TMEM154: variants seen among roughly 807,000 people sequenced by gnomAD.
TMEM154 encodes the protein transmembrane protein 154.
Under a neutral mutation model 24.5 loss-of-function variants are expected in TMEM154, and 27 were observed. The ratio of observed to expected loss-of-function variants is 1.10; its 90% CI spans 0.81 to 1.52. TMEM154 has a LOEUF of 1.52. Ranked by LOEUF, TMEM154 falls within the 40% of genes most tolerant of loss-of-function variation. The pLI is 0.00. For missense variants in TMEM154, 228 were observed against 213.4 expected (o/e 1.07, Z -0.43); for synonymous variants, 67 against 76.8 (o/e 0.87, Z 0.67).
At chr4:152,647,585 A>G (rs1046588345) in intron 3 of TMEM154, among the ~76,000 whole-genome samples, 3 of 152,160 alleles carry the variant, frequency 2.0e-5, no homozygotes, top group African/African-American at 4.8e-5. Context: ...TAATGTACCA[A>G]TTTTTAGTAA....
intron 6 of TMEM154, 52 bp downstream of exon 6, chr4:152,640,876 T>G: frequency 1.3e-5 from 14 of 1,113,562 alleles, no homozygotes; most frequent in East Asian, 2.5e-5. Context: ...TGGTTCCCAA[T>G]CCCCCCGCCC....
chr4:152,648,884 A>G (rs1410496650), intron 3 of TMEM154, among the ~76,000 whole-genome samples: 1 of 152,232 alleles, frequency 6.6e-6, no homozygotes, highest in Non-Finnish European at 1.5e-5. Context: ...CTTTTCCTGA[A>G]TTTTAAAAAA....
At chr4:152,674,317 A>G (rs1420920802) in intron 1 of TMEM154, among the ~76,000 whole-genome samples, 2 of 53,814 alleles carry the variant, frequency 3.7e-5, no homozygotes. Context: ...ACCATGGTAT[A>G]AGAAAAAAAA....
chr4:152,646,936 C>A, intron 3 of TMEM154: 1 of 702,752 alleles, frequency 1.4e-6, no homozygotes, highest in South Asian at 1.5e-5. Context: ...GTTTTCCCTG[C>A]AGCTCTTTCA....
intron 1 of TMEM154, chr4:152,669,273 C>T (rs1255778508): frequency 6.6e-6 from 1 of 152,070 alleles, no homozygotes; most frequent in Non-Finnish European, 1.5e-5. Context: ...TAATACGTAG[C>T]TGTACATAAC....
chr4:152,641,364 G>A, intron 5 of TMEM154: 1 of 177,724 alleles, frequency 5.6e-6, no homozygotes, highest in Non-Finnish European at 1.2e-5. Context: ...CCATCAGATT[G>A]CACGGTAGGA....
intron 6 of TMEM154, among the ~76,000 whole-genome samples, chr4:152,637,603 T>C (rs1158881941): frequency 6.6e-6 from 1 of 152,136 alleles, no homozygotes; most frequent in Admixed American, 6.6e-5. Flanking sequence ...TTCTCTTATA[T>C]CATCCTGTGA....
At chr4:152,638,895 C>T (rs1399501966) in intron 6 of TMEM154, among the ~76,000 whole-genome samples, 1 of 152,126 alleles carries the variant, frequency 6.6e-6, no homozygotes, top group East Asian at 1.9e-4. Flanking sequence ...CCTTTTAAAA[C>T]AATCATTTAA....
intron 1 of TMEM154, among the ~76,000 whole-genome samples, chr4:152,667,208 G>A (rs769459939): frequency 6.6e-6 from 1 of 152,138 alleles, no homozygotes; most frequent in African/African-American, 2.4e-5. Flanking sequence ...TGCCAGTCAC[G>A]CTCTCACCTT....
intron 1 of TMEM154, among the ~76,000 whole-genome samples, chr4:152,661,291 TCTCTCTCTCTCTCTCTCTCTC>T (rs1728599272): frequency 8.8e-5 from 5 of 56,504 alleles, no homozygotes; most frequent in African/African-American, 1.7e-4. Context: ...TCTTTCTCTC[TCTCTCTCTCTCTCTCTCTCTC>T]TCTCTCTCTC....
intron 3 of TMEM154, among the ~76,000 whole-genome samples, chr4:152,649,803 TC>T (rs1561050437): frequency 6.6e-6 from 1 of 152,000 alleles, no homozygotes; most frequent in Non-Finnish European, 1.5e-5. Flanking sequence ...TAGAAAAGCA[TC>T]CCCCAGAAAT....
intron 1 of TMEM154, 24 bp downstream of exon 1, chr4:152,679,846 G>A: frequency 6.3e-7 from 1 of 1,599,662 alleles, no homozygotes; most frequent in Non-Finnish European, 8.5e-7. Flanking sequence ...TCCTTCCCAG[G>A]AGTAGGAAGT....
intron 3 of TMEM154, 132 bp from the exon 4 acceptor site, chr4:152,644,574 A>T (rs1457817715): frequency 1.2e-6 from 1 of 854,318 alleles, no homozygotes; most frequent in African/African-American, 1.7e-5. Flanking sequence ...AGGAGCGATC[A>T]TTAACTTAGA....
chr4:152,664,382 G>A (rs374382649), intron 1 of TMEM154, among the ~76,000 whole-genome samples: 5 of 151,912 alleles, frequency 3.3e-5, no homozygotes, highest in Non-Finnish European at 7.4e-5. Flanking sequence ...CGTGGCGGGG[G>A]GGTACAAGGG....
intron 1 of TMEM154, among the ~76,000 whole-genome samples, chr4:152,655,986 G>A (rs1455803641): frequency 6.6e-6 from 1 of 152,082 alleles, no homozygotes; most frequent in Non-Finnish European, 1.5e-5. Context: ...TTTGGGGCCT[G>A]GTGATTGCCC....
intron 1 of TMEM154, among the ~76,000 whole-genome samples, chr4:152,656,289 A>G (rs12644557): frequency 0.59 from 89,180 of 151,858 alleles, 26,373 homozygotes; most frequent in Admixed American, 0.63. Context: ...GGAAGCCCAA[A>G]AACCAGCCTG....
In TMEM154 at chr4:152,619,384, A is replaced by G. The variant is rs1333905363; in HGVS notation, c.*9162T>C. 2 of 152,182 alleles carry G rather than the reference A, an allele frequency of 1.3e-5. No homozygotes were observed. The highest frequency in any genetic ancestry group is 4.8e-5 in the African/African-American group (2 of 41,434). The allele number at this position is 152,182 out of a possible 1,614,324, so 9.4% of individuals were successfully genotyped here. A position where few individuals can be genotyped will look rare whatever the true frequency, so the allele number is the denominator to read the frequency against. On this transcript the variant is annotated 3_prime_UTR_variant, in exon 7 of 7. Coordinates refer to ENST00000304385, the MANE Select transcript of TMEM154 (RefSeq NM_152680.3). Reference sequence around the variant, plus strand: ...CTCGATATTGCATGAAGACACACCAATTTGGGCAGATCACATTTTCCAACG... The same window carrying G: ...CTCGATATTGCATGAAGACACACCAGTTTGGGCAGATCACATTTTCCAACG...
chr4:152,631,096 TG>T (rs1752031721), intron 6 of TMEM154, among the ~76,000 whole-genome samples: 2 of 152,224 alleles, frequency 1.3e-5, no homozygotes, highest in South Asian at 4.1e-4. Context: ...TACCTTTGCA[TG>T]TATCTCTAGA....
At chr4:152,634,031 CAAAAAAAAAA>C (rs1167923301) in intron 6 of TMEM154, among the ~76,000 whole-genome samples, 6 of 20,412 alleles carry the variant, frequency 2.9e-4, no homozygotes, top group African/African-American at 7.9e-4. Flanking sequence ...GACCCCATCT[CAAAAAAAAAA>C]AAAAAAAAAA....
Sources: gnomAD v4.1 joint callset for allele counts (sites outside exome capture counted in the v4.1 genomes callset) on GRCh38, gnomAD v4.1.1 for gene constraint, MANE v1.5 for transcripts, NCBI Gene and HGNC (gene_info 2026-07-23, HGNC 2026-07-21) for gene names.